Variants in FOXP1 observed in about 807,000 individuals in gnomAD.
The protein encoded by FOXP1 is forkhead box P1, also known as forkhead box protein P1.
A neutral mutation model predicts 98.2 loss-of-function variants in FOXP1; 15 were observed. The ratio of observed to expected loss-of-function variants is 0.15; its 90% confidence interval spans 0.10 to 0.24. The LOEUF (loss-of-function observed/expected upper bound fraction) is 0.24, where lower values mean the gene tolerates loss of function less well. Among genes scored for constraint, FOXP1 ranks in the 10% least tolerant of loss-of-function variants. The pLI, the probability that FOXP1 is intolerant of heterozygous loss-of-function variation, is 1.00. For missense variants in FOXP1, 633 were observed against 848.5 expected, an observed-to-expected ratio of 0.75 and a Z score of 3.15; for synonymous variants, 371 against 314.5, an observed-to-expected ratio of 1.18 and a Z score of -1.90.
At chr3:71,069,831 C>G (rs2053002014) in intron 7 of FOXP1, among the ~76,000 whole-genome samples, 1 of 152,166 alleles carries the variant, frequency 6.6e-6, no homozygotes, top group Non-Finnish European at 1.5e-5. Context: ...GTAGAAATCG[C>G]TGAATATCAG....
intron 2 of FOXP1, among the ~76,000 whole-genome samples, chr3:71,527,342 A>AC (rs2043472125): frequency 6.6e-6 from 1 of 152,216 alleles, no homozygotes; most frequent in Admixed American, 6.5e-5. Flanking sequence ...ATCAAGACAG[A>AC]CAGAGCCCTG....
chr3:71,489,070 G>C (rs531550045), intron 3 of FOXP1, among the ~76,000 whole-genome samples: 2 of 152,244 alleles, frequency 1.3e-5, no homozygotes, highest in Admixed American at 6.5e-5. Flanking sequence ...CAAGGTACCT[G>C]CCAGCTGCAC....
intron 2 of FOXP1, among the ~76,000 whole-genome samples, chr3:71,535,878 G>A (rs551584073): frequency 1.3e-5 from 2 of 152,184 alleles, no homozygotes; most frequent in African/African-American, 2.4e-5. Flanking sequence ...ACGCCTCCCC[G>A]TGCCCTCCAC....
At chr3:71,208,598 C>A (rs1296889719) in intron 5 of FOXP1, among the ~76,000 whole-genome samples, 4 of 149,066 alleles carry the variant, frequency 2.7e-5, no homozygotes, top group African/African-American at 1.0e-4. Flanking sequence ...AACTGCTGCT[C>A]ACACCCGCAA....
intron 4 of FOXP1, among the ~76,000 whole-genome samples, chr3:71,314,530 A>ATATATATATATATATATATAT (rs1553839965): frequency 1.4e-5 from 2 of 143,370 alleles, no homozygotes; most frequent in African/African-American, 2.5e-5. Flanking sequence ...CCGTCTAAAA[A>ATATATATATATATATATATAT]ATATATATAT....
chr3:71,572,822 T>A (rs1488208746), intron 2 of FOXP1: 2 of 152,194 alleles, frequency 1.3e-5, no homozygotes, highest in Non-Finnish European at 2.9e-5. Context: ...CTTTGTTCCT[T>A]TTTTGTGCCT....
chr3:71,440,346 G>C (rs1263041215), intron 3 of FOXP1, among the ~76,000 whole-genome samples: 1 of 151,954 alleles, frequency 6.6e-6, no homozygotes, highest in Non-Finnish European at 1.5e-5. Flanking sequence ...CAGGGGAATT[G>C]CTTGAGGTCA....
intron 7 of FOXP1, among the ~76,000 whole-genome samples, chr3:71,109,866 C>T (rs1220233496): frequency 1.3e-5 from 2 of 152,116 alleles, no homozygotes; most frequent in African/African-American, 4.8e-5. Flanking sequence ...CACACCAGTC[C>T]ACCAACCTTT....
chr3:71,038,157 T>G (rs1243111299), intron 11 of FOXP1, among the ~76,000 whole-genome samples: 2 of 152,130 alleles, frequency 1.3e-5, no homozygotes, highest in Non-Finnish European at 2.9e-5. Context: ...CCAAATGGCA[T>G]GGAAATACAT....
chr3:71,061,253 A>G (rs1007009735), intron 7 of FOXP1, among the ~76,000 whole-genome samples: 26 of 152,186 alleles, frequency 1.7e-4, no homozygotes, highest in African/African-American at 5.3e-4. Flanking sequence ...TTTAGCTTAC[A>G]GTGTTAAGAC....
chr3:71,089,349 G>C (rs1215538006), intron 7 of FOXP1, among the ~76,000 whole-genome samples: 1 of 152,140 alleles, frequency 6.6e-6, no homozygotes, highest in Admixed American at 6.5e-5. Flanking sequence ...ACAGCCATGT[G>C]AGCGAGCCAT....
At chr3:71,388,512 A>C (rs915286320) in intron 3 of FOXP1, among the ~76,000 whole-genome samples, 1 of 152,166 alleles carries the variant, frequency 6.6e-6, no homozygotes, top group Non-Finnish European at 1.5e-5. Context: ...GTTAAGTACA[A>C]ATTTTCCTTT....
intron 6 of FOXP1, among the ~76,000 whole-genome samples, chr3:71,118,342 T>C (rs1233652039): frequency 6.6e-6 from 1 of 152,230 alleles, no homozygotes; most frequent in African/African-American, 2.4e-5. Flanking sequence ...TCTGAGCTAT[T>C]TACATTCTAA....
At chr3:71,413,458 C>T (rs2082957254) in intron 3 of FOXP1, among the ~76,000 whole-genome samples, 1 of 152,040 alleles carries the variant, frequency 6.6e-6, no homozygotes, top group Middle Eastern at 3.2e-3. Flanking sequence ...ACATACTGTA[C>T]TTTTACTACT....
At chr3:71,435,968 A>AAAGGAGGGAAGGAGGGAAGGAGGG in intron 3 of FOXP1, among the ~76,000 whole-genome samples, 1 of 71,422 alleles carries the variant, frequency 1.4e-5, no homozygotes, top group South Asian at 6.1e-4. Context: ...AGGGAGGAAA[A>AAAGGAGGGAAGGAGGGAAGGAGGG]AAGGAGGGAA....
chr3:71,371,846 C>T (rs1163182137), intron 3 of FOXP1, among the ~76,000 whole-genome samples: 1 of 152,096 alleles, frequency 6.6e-6, no homozygotes. Flanking sequence ...ACCATCCTCA[C>T]TCCCTACCTC....
At position 71,090,507 on chromosome 3, in the gene FOXP1, G is replaced by C. The variant is rs7647654; in HGVS notation, c.282+22029C>G. 6.4e-3 allele frequency among the ~76,000 whole-genome samples: 974 copies of C among 152,262 alleles called. 15 individuals carry two copies. The highest frequency in any genetic ancestry group is 0.022 in the African/African-American group (932 of 41,530). On this transcript the variant is annotated intron_variant, in intron 7 of 20. Transcript: ENST00000649528. The stretch of plus-strand genomic sequence containing the variant: ...GAAGCAAGTCAACTCTAACTAGAAG[G>C]CTTGATGAAAAGATAATTTTATAAT...
At chr3:70,981,376 C>A (rs142466000) in intron 14 of FOXP1, among the ~76,000 whole-genome samples, 1 of 151,156 alleles carries the variant, frequency 6.6e-6, no homozygotes, top group Non-Finnish European at 1.5e-5. Flanking sequence ...CAAATGACAC[C>A]GTGATTCACA....
intron 6 of FOXP1, among the ~76,000 whole-genome samples, chr3:71,132,772 G>GC (rs2059634554): frequency 6.6e-6 from 1 of 152,094 alleles, no homozygotes; most frequent in African/African-American, 2.4e-5. Flanking sequence ...TTTAGCATTT[G>GC]CCTTGTGCAA....
Sources: gnomAD v4.1 joint callset for allele counts (sites outside exome capture counted in the v4.1 genomes callset) on GRCh38, gnomAD v4.1.1 for gene constraint, MANE v1.5 for transcripts, NCBI Gene and HGNC (gene_info 2026-07-23, HGNC 2026-07-21) for gene names.